Variants in ACO2 observed in about 807,000 individuals in gnomAD.
ACO2 encodes aconitase 2.
In ACO2, 31 loss-of-function variants were observed where a neutral mutation model predicts 84.5. The ratio of observed to expected loss-of-function variants is 0.37; its 90% CI spans 0.28 to 0.50. ACO2 has a LOEUF of 0.50. Ranked by LOEUF, ACO2 falls within the 20% of genes least tolerant of loss-of-function variation. The pLI, the probability that ACO2 is intolerant of heterozygous loss-of-function variation, is 0.97. For missense variants in ACO2, 685 were observed against 1,029.3 expected (o/e 0.67, Z 4.58); for synonymous variants, 414 against 412.7 (o/e 1.00, Z -0.04).
chr22:41,518,333 G>A, intron 7 of ACO2, 148 bp from the exon 8 acceptor site: 1 of 651,324 alleles, frequency 1.5e-6, no homozygotes, highest in African/African-American at 1.8e-5. Flanking sequence ...CTCTGTAAGG[G>A]CAGAGACAGC....
chr22:41,495,765 C>CG (rs2066308927), intron 1 of ACO2, among the ~76,000 whole-genome samples: 1 of 151,458 alleles, frequency 6.6e-6, no homozygotes, highest in African/African-American at 2.4e-5. Context: ...GGGCTACAGG[C>CG]GCCCGCCACC....
At chr22:41,491,059 T>G (rs2066268234) in intron 1 of ACO2, among the ~76,000 whole-genome samples, 2 of 151,882 alleles carry the variant, frequency 1.3e-5, no homozygotes, top group Admixed American at 1.3e-4. Context: ...CGGAGAAGGA[T>G]TCCCTGAGAA....
intron 1 of ACO2, among the ~76,000 whole-genome samples, chr22:41,487,078 T>A (rs961443755): frequency 3.3e-5 from 5 of 152,052 alleles, no homozygotes; most frequent in Non-Finnish European, 7.4e-5. Flanking sequence ...GAGACAGGGT[T>A]TCACCATGTT....
chr22:41,473,142 A>G (rs370385536), intron 1 of ACO2, among the ~76,000 whole-genome samples: 1 of 152,202 alleles, frequency 6.6e-6, no homozygotes, highest in Non-Finnish European at 1.5e-5. Flanking sequence ...GACAGAGGGA[A>G]CAGACACACC....
At chr22:41,488,272 C>G (rs2066246416) in intron 1 of ACO2, among the ~76,000 whole-genome samples, 2 of 152,202 alleles carry the variant, frequency 1.3e-5, no homozygotes, top group South Asian at 4.1e-4. Flanking sequence ...GTGGGCATGT[C>G]AAGATAGTGA....
chr22:41,469,561 G>A (rs2037916414), intron 1 of ACO2: 3 of 216,948 alleles, frequency 1.4e-5, no homozygotes, highest in Non-Finnish European at 2.7e-5. Context: ...TCTAGGCCCA[G>A]TTCCTGAGGC....
At chr22:41,486,102 C>T (rs1216257057) in intron 1 of ACO2, among the ~76,000 whole-genome samples, 4 of 152,148 alleles carry the variant, frequency 2.6e-5, no homozygotes, top group African/African-American at 4.8e-5. Context: ...CACTCCTGCC[C>T]CTTGTGTGTG....
chr22:41,470,313 C>T (rs958265377), intron 1 of ACO2, among the ~76,000 whole-genome samples: 2 of 152,118 alleles, frequency 1.3e-5, no homozygotes, highest in Admixed American at 6.6e-5. Flanking sequence ...TAGAATTTTA[C>T]GAGTTGTTAT....
chr22:41,479,573 T>C (rs767845083), intron 1 of ACO2, among the ~76,000 whole-genome samples: 7 of 152,164 alleles, frequency 4.6e-5, no homozygotes, highest in Non-Finnish European at 8.8e-5. Context: ...GGGCTGGATA[T>C]AGGGGATACA....
At chr22:41,528,111 A>G (rs1363701392) in intron 17 of ACO2, 89 bp downstream of exon 17, 1 of 1,566,852 alleles carries the variant, frequency 6.4e-7, no homozygotes. Flanking sequence ...AGCTTCTCCC[A>G]GGAGGCTTCA....
At chr22:41,483,164 C>T (rs2038109649) in intron 1 of ACO2, among the ~76,000 whole-genome samples, 1 of 152,146 alleles carries the variant, frequency 6.6e-6, no homozygotes. Flanking sequence ...TGGGATTTAC[C>T]AGTGAGGATT....
At chr22:41,481,220 A>G (rs964330191) in intron 1 of ACO2, among the ~76,000 whole-genome samples, 1 of 152,220 alleles carries the variant, frequency 6.6e-6, no homozygotes, top group Non-Finnish European at 1.5e-5. Context: ...ATTCCAAGCC[A>G]GATCCCTCCA....
At chr22:41,528,223 C>G in intron 17 of ACO2, 6 of 859,068 alleles carry the variant, frequency 7.0e-6, no homozygotes, top group Non-Finnish European at 1.1e-5. Flanking sequence ...CCTCACACCT[C>G]CCCAACCTCC....
chr22:41,526,575 C>T (rs2066601572), intron 15 of ACO2, 122 bp downstream of exon 15: 2 of 1,154,896 alleles, frequency 1.7e-6, no homozygotes, highest in Non-Finnish European at 2.4e-6. Flanking sequence ...CCAAAGGGGA[C>T]TGCTGTGGAA....
At chr22:41,473,542 C>T (rs1406884734) in intron 1 of ACO2, among the ~76,000 whole-genome samples, 1 of 152,144 alleles carries the variant, frequency 6.6e-6, no homozygotes, top group African/African-American at 2.4e-5. Context: ...CTAGCACTGC[C>T]TAGCATTGTT....
chr22:41,475,691 G>A (rs1431973011), intron 1 of ACO2, among the ~76,000 whole-genome samples: 2 of 151,488 alleles, frequency 1.3e-5, no homozygotes, highest in Non-Finnish European at 2.9e-5. Context: ...TCAGGAGTTC[G>A]AGACCAGCCT....
intron 9 of ACO2, 80 bp from the exon 10 acceptor site, chr22:41,522,750 C>G (rs925592847): frequency 6.6e-7 from 1 of 1,522,836 alleles, no homozygotes; most frequent in Non-Finnish European, 8.9e-7. Context: ...TTGGCCAAGT[C>G]TGGATAATTT....
chr22:41,516,338 T>G (rs1601918057), intron 6 of ACO2, among the ~76,000 whole-genome samples: 2 of 152,332 alleles, frequency 1.3e-5, no homozygotes, highest in East Asian at 3.9e-4. Flanking sequence ...TCGCTGAAGT[T>G]CGAGCCTCAC....
At chr22:41,528,268 CCCA>C in intron 17 of ACO2, 1 of 846,054 alleles carries the variant, frequency 1.2e-6, no homozygotes, top group South Asian at 1.8e-5. Context: ...CAGGGGACAG[CCCA>C]CCCACTGCAG....
Sources: gnomAD v4.1 joint callset for allele counts (sites outside exome capture counted in the v4.1 genomes callset) on GRCh38, gnomAD v4.1.1 for gene constraint, MANE v1.5 for transcripts, NCBI Gene and HGNC (gene_info 2026-07-23, HGNC 2026-07-21) for gene names.